The following CCAR1 variants were observed in gnomAD, a reference collection of about 807,000 sequenced individuals.
CCAR1 encodes cell division cycle and apoptosis regulator protein 1.
Under a neutral mutation model 163.8 loss-of-function variants are expected in CCAR1, and 78 were observed. That is an observed-to-expected ratio of 0.48 (90% CI 0.40 to 0.57). The LOEUF (loss-of-function observed/expected upper bound fraction) is 0.57, where lower values mean the gene tolerates loss of function less well. Among genes scored for constraint, CCAR1 ranks in the 20% least tolerant of loss-of-function variants. The pLI is 0.00. For missense variants in CCAR1, 1,019 were observed against 1,365.2 expected, an observed-to-expected ratio of 0.75 and a Z score of 4.00; for synonymous variants, 443 against 460.7, an observed-to-expected ratio of 0.96 and a Z score of 0.49.
intron 2 of CCAR1, chr10:68,735,585 T>C (rs1438535435): frequency 6.6e-6 from 1 of 152,060 alleles, no homozygotes; most frequent in Non-Finnish European, 1.5e-5. Context: ...TTTTAAATCT[T>C]TGTAGAGATG....
Position 68,788,000 on chromosome 10 carries a change from A to C in CCAR1, c.2954A>C (p.Asp985Ala), listed in dbSNP as rs761752782. 7.2e-5 allele frequency: 116 copies of C among 1,612,902 alleles called. No individual in the cohort carries two copies. Among genetic ancestry groups the C allele is most frequent in the South Asian group, 1.4e-4 (13 of 90,906 alleles). The change falls in exon 22 of 25, where the codon GAT becomes GCT. Residue 985 changes from aspartate (D) to alanine (A), a missense_variant. This residue lies in a region of CCAR1 where 358 missense variants were observed against 406.4 expected (regional missense o/e 0.88). Transcript: ENST00000265872. Reference protein sequence around the residue: ...FYRKLTDTSKDEENHEESESL... With the variant: ...FYRKLTDTSKAEENHEESESL... ...CGGAAATTAACAGACACCTCAAAAG[A>C]TGAAGAGAACCATGAAGAGTCTGAG...
chr10:68,753,793 A>G (rs2056366716), intron 10 of CCAR1, 59 bp from the exon 11 acceptor site: 2 of 1,218,426 alleles, frequency 1.6e-6, no homozygotes, highest in Non-Finnish European at 2.4e-6. Flanking sequence ...ACAGAATTAA[A>G]TGTTTGTGTA....
chr10:68,762,112 G>A (rs1381673599), intron 16 of CCAR1, among the ~76,000 whole-genome samples: 3 of 151,604 alleles, frequency 2.0e-5, no homozygotes, highest in Admixed American at 6.6e-5. Context: ...GGCGGATCAC[G>A]AGGTCAGGAG....
intron 16 of CCAR1, among the ~76,000 whole-genome samples, chr10:68,762,439 A>G (rs2056485135): frequency 6.6e-6 from 1 of 152,198 alleles, no homozygotes; most frequent in South Asian, 2.1e-4. Flanking sequence ...CTTCTAAAAC[A>G]GTATGTTTGA....
At chr10:68,740,212 G>C (rs1487915804) in intron 4 of CCAR1, among the ~76,000 whole-genome samples, 1 of 152,012 alleles carries the variant, frequency 6.6e-6, no homozygotes, top group Non-Finnish European at 1.5e-5. Flanking sequence ...TGCTATTCCT[G>C]GGAAATAATA....
In CCAR1 at chr10:68,749,229, G is replaced by A; in HGVS notation, c.920G>A (p.Arg307Lys). The A allele has an allele frequency of 4.3e-6, 7 of 1,613,068 alleles. No individual in the cohort carries two copies. Among genetic ancestry groups the A allele is most frequent in the Non-Finnish European group, 5.9e-6 (7 of 1,179,782 alleles). ...TCCCGATTTTCAGGAAGAAATGACA[G>A]AGGGGATCAAGTGCCTAACAGAAAA... is the stretch of plus-strand genomic sequence containing the variant. ...PPSRFSGRNDRGDQVPNRKDD... is the reference protein window; with the variant it reads ...PPSRFSGRNDKGDQVPNRKDD... The change falls in exon 9 of 25, where the codon AGA becomes AAA. Residue 307 changes from arginine (R) to lysine (K), a missense_variant. By Grantham distance (26) the Arg-to-Lys change is conservative. Coordinates refer to ENST00000265872, the MANE Select transcript of CCAR1 (RefSeq NM_018237.4).
In CCAR1 at chr10:68,767,403, G is replaced by C. The variant is rs7899902; in HGVS notation, c.2298+1324G>C. On this transcript the variant is annotated intron_variant, in intron 17 of 24. Transcript: ENST00000265872. The stretch of plus-strand genomic sequence containing the variant: ...CTGCCTCAGCCTCCCGGGTAGCTGA[G>C]ATTACAGGCATCTGCCACAATGCCT... 5.8e-3 allele frequency among the ~76,000 whole-genome samples: 874 copies of C among 151,870 alleles called. 12 individuals carry two copies. Among genetic ancestry groups the C allele is most frequent in the African/African-American group, 0.02 (832 of 41,408 alleles).
intron 19 of CCAR1, among the ~76,000 whole-genome samples, chr10:68,774,754 AAGAC>A (rs751713730): frequency 4.6e-5 from 7 of 152,200 alleles, no homozygotes; most frequent in Non-Finnish European, 8.8e-5. Context: ...TAAGTTTTAT[AAGAC>A]AGACTTTGTT....
At chr10:68,783,934 AT>A in intron 19 of CCAR1, among the ~76,000 whole-genome samples, 1 of 150,762 alleles carries the variant, frequency 6.6e-6, no homozygotes, top group Non-Finnish European at 1.5e-5. Context: ...TTTTTTATGT[AT>A]TTTTAGTAGA....
At chr10:68,734,521 G>C (rs1389734436) in intron 2 of CCAR1, among the ~76,000 whole-genome samples, 7 of 151,338 alleles carry the variant, frequency 4.6e-5, no homozygotes, top group Non-Finnish European at 1.5e-5. Flanking sequence ...TTTGGACACA[G>C]AGTCTGACTG....
At chr10:68,735,734 G>A (rs1024178055) in intron 2 of CCAR1, 2 of 152,198 alleles carry the variant, frequency 1.3e-5, no homozygotes, top group African/African-American at 4.8e-5. Context: ...GACTAGACAA[G>A]CATTGTAATC....
At chr10:68,738,695 CT>C (rs1374863454) in intron 4 of CCAR1, among the ~76,000 whole-genome samples, 3 of 152,050 alleles carry the variant, frequency 2.0e-5, no homozygotes, top group Non-Finnish European at 4.4e-5. Context: ...TCCTAGTCCC[CT>C]TCTTACTAAT....
intron 2 of CCAR1, among the ~76,000 whole-genome samples, chr10:68,733,525 T>A (rs2056068686): frequency 6.6e-6 from 1 of 150,714 alleles, no homozygotes; most frequent in Non-Finnish European, 1.5e-5. Context: ...CTTTAAATTT[T>A]AAAAATCTGG....
At chr10:68,785,664 T>C (rs897996016) in intron 19 of CCAR1, among the ~76,000 whole-genome samples, 1 of 152,184 alleles carries the variant, frequency 6.6e-6, no homozygotes, top group African/African-American at 2.4e-5. Context: ...GTTTTTAATA[T>C]ATTCAGAGTT....
At chr10:68,763,627 T>C (rs1230257011) in intron 16 of CCAR1, among the ~76,000 whole-genome samples, 3 of 152,148 alleles carry the variant, frequency 2.0e-5, no homozygotes, top group Non-Finnish European at 4.4e-5. Context: ...TTTGTATTTT[T>C]AGTAGAGATG....
chr10:68,731,525 A>G (rs2056037727), intron 2 of CCAR1, among the ~76,000 whole-genome samples: 1 of 151,714 alleles, frequency 6.6e-6, no homozygotes, highest in East Asian at 1.9e-4. Context: ...TGCAATGTAA[A>G]TTATCTTCCT....
At position 68,791,192 on chromosome 10, in the gene CCAR1, T is replaced by C; in HGVS notation, c.3394-15T>C. On this transcript the variant is annotated splice_polypyrimidine_tract_variant and intron_variant, in intron 24 of 24. Coordinates refer to ENST00000265872, the MANE Select transcript of CCAR1 (RefSeq NM_018237.4). The stretch of plus-strand genomic sequence containing the variant: ...TCTAATAAAATGTATTTTTTCCTTC[T>C]CTATTGTCTTATAGGATAATGTAAA... The C allele has an allele frequency of 6.8e-7, 1 of 1,466,138 alleles. No individual in the cohort carries two copies. The highest frequency in any genetic ancestry group is 1.8e-4 in the Middle Eastern group (1 of 5,496). 90.8% of individuals were successfully genotyped at this position (1,466,138 alleles called of 1,614,324 possible). A position where few individuals can be genotyped will look rare whatever the true frequency, so the allele number is the denominator to read the frequency against.
At chr10:68,731,697 A>C (rs1178099798) in intron 2 of CCAR1, among the ~76,000 whole-genome samples, 1 of 150,838 alleles carries the variant, frequency 6.6e-6, no homozygotes, top group Non-Finnish European at 1.5e-5. Context: ...CTGGGTTCAA[A>C]CAAGTGCCTC....
intron 13 of CCAR1, 59 bp downstream of exon 13, chr10:68,755,595 C>T (rs1011283234): frequency 7.0e-6 from 10 of 1,425,536 alleles, no homozygotes; most frequent in Non-Finnish European, 4.8e-6. Flanking sequence ...TGTAGTTGTT[C>T]TTATCGATCA....
Sources: gnomAD v4.1 joint callset for allele counts (sites outside exome capture counted in the v4.1 genomes callset) on GRCh38, gnomAD v4.1.1 for gene constraint, gnomAD v4.1.1 regional missense constraint, MANE v1.5 for transcripts, NCBI Gene and HGNC (gene_info 2026-07-23, HGNC 2026-07-21) for gene names.